The following TIAM1 variants were observed in gnomAD, a reference collection of about 807,000 sequenced individuals.
TIAM1 encodes rho guanine nucleotide exchange factor TIAM1.
Under a neutral mutation model 163.5 loss-of-function variants are expected in TIAM1, and 65 were observed. The observed-to-expected ratio is 0.40, with a 90% confidence interval of 0.33 to 0.49. TIAM1 has a LOEUF of 0.49. Ranked by LOEUF, TIAM1 falls within the 20% of genes least tolerant of loss-of-function variation. The probability of loss-of-function intolerance (pLI) is 0.77; values close to 1 mark genes in which losing one functional copy is unlikely to be tolerated. For synonymous variants in TIAM1, 833 were observed against 810.1 expected, an observed-to-expected ratio of 1.03 and a Z score of -0.48; for missense variants, 1,789 against 2,044.7, an observed-to-expected ratio of 0.87 and a Z score of 2.41.
chr21:31,192,489 C>T (rs182826343), intron 13 of TIAM1, among the ~76,000 whole-genome samples: 43 of 151,932 alleles, frequency 2.8e-4, no homozygotes, highest in African/African-American at 9.7e-4. Flanking sequence ...TGGTGGCACA[C>T]GCCTGTAATC....
chr21:31,228,245 A>ATTTTTCCTTT lies in TIAM1; in HGVS notation c.1585-2296_1585-2295insAAAGGAAAAA. Among the ~76,000 whole-genome samples the ATTTTTCCTTT allele has an allele frequency of 3.0e-5, 2 of 67,136 alleles. 1 individual carries two copies. The highest frequency in any genetic ancestry group is 7.7e-5 in the Non-Finnish European group (2 of 26,072). The allele number at this position is 67,136 out of a possible 152,430, so 44.0% of individuals were successfully genotyped here. A position where few individuals can be genotyped will look rare whatever the true frequency, so the allele number is the denominator to read the frequency against. Reference sequence around the variant, plus strand: ...TAAAAAAAAAAAAAAAAAAAAAAAAAAAAAAAAAAAAAAAGGAAGGAAAAA... The same window carrying ATTTTTCCTTT: ...TAAAAAAAAAAAAAAAAAAAAAAAAATTTTTCCTTTAAAAAAAAAAAAAAGGAAGGAAAAA... On this transcript the variant is annotated intron_variant, in intron 6 of 27. Transcript: ENST00000541036.
At chr21:31,282,661 G>T (rs1034440256) in intron 2 of TIAM1, among the ~76,000 whole-genome samples, 4 of 152,182 alleles carry the variant, frequency 2.6e-5, no homozygotes, top group Non-Finnish European at 5.9e-5. Context: ...TCCCACTGAC[G>T]GCCCTGGGGC....
intron 15 of TIAM1, among the ~76,000 whole-genome samples, chr21:31,177,719 T>C (rs953676896): frequency 6.6e-6 from 1 of 152,196 alleles, no homozygotes; most frequent in Non-Finnish European, 1.5e-5. Flanking sequence ...AACAAACCTC[T>C]CTATGAGAAA....
chr21:31,268,737 G>C (rs563715497), intron 3 of TIAM1, among the ~76,000 whole-genome samples: 14 of 152,100 alleles, frequency 9.2e-5, no homozygotes, highest in Non-Finnish European at 1.6e-4. Context: ...AAAGATCAAC[G>C]GTCTGTGCAC....
chr21:31,389,466 C>T (rs1050890696), intron 2 of TIAM1, among the ~76,000 whole-genome samples: 4 of 152,206 alleles, frequency 2.6e-5, no homozygotes, highest in African/African-American at 9.6e-5. Context: ...GCCTCGGCCT[C>T]CCAAAGTGCT....
intron 1 of TIAM1, among the ~76,000 whole-genome samples, chr21:31,514,168 T>G (rs1203953554): frequency 6.6e-6 from 1 of 152,140 alleles, no homozygotes. Flanking sequence ...GAGGTGAAAT[T>G]AAGAACAGAC....
At chr21:31,124,325 A>T (rs2082105404) in intron 27 of TIAM1, 197 bp downstream of exon 27, 3 of 567,234 alleles carry the variant, frequency 5.3e-6, no homozygotes, top group Non-Finnish European at 8.3e-6. Flanking sequence ...AGAGGAATGT[A>T]GATACAGGGC....
At chr21:31,487,551 T>C (rs1371889252) in intron 1 of TIAM1, among the ~76,000 whole-genome samples, 1 of 98,270 alleles carries the variant, frequency 1.0e-5, no homozygotes, top group Non-Finnish European at 2.1e-5. Flanking sequence ...TTTTTTTTTT[T>C]GTATTTTTTT....
At chr21:31,353,863 G>C in intron 2 of TIAM1, among the ~76,000 whole-genome samples, 1 of 33,242 alleles carries the variant, frequency 3.0e-5, no homozygotes. Context: ...TTTTGAGACA[G>C]AGTCTCACTC....
chr21:31,470,001 ATTTTT>A (rs540154867), intron 1 of TIAM1, among the ~76,000 whole-genome samples: 18 of 136,792 alleles, frequency 1.3e-4, no homozygotes, highest in African/African-American at 2.8e-4. Flanking sequence ...AAAACCTTGA[ATTTTT>A]TTTTTTTTTT....
chr21:31,197,303 A>G (rs1208666249), intron 12 of TIAM1, among the ~76,000 whole-genome samples: 5 of 152,248 alleles, frequency 3.3e-5, no homozygotes, highest in African/African-American at 9.6e-5. Flanking sequence ...CTTTGTACAA[A>G]GTCAAGATAA....
chr21:31,162,880 T>C (rs1289935460), intron 16 of TIAM1, among the ~76,000 whole-genome samples: 2 of 152,186 alleles, frequency 1.3e-5, no homozygotes, highest in African/African-American at 4.8e-5. Context: ...TGACCCTTCA[T>C]GTTCCAGATA....
chr21:31,256,941 A>T (rs150455453), intron 4 of TIAM1, among the ~76,000 whole-genome samples: 2,812 of 152,254 alleles, frequency 0.018, 89 homozygotes, highest in African/African-American at 0.063. Flanking sequence ...CCAAGGAGAG[A>T]AGGCATTGCC....
chr21:31,258,143 T>G (rs1373182017), intron 4 of TIAM1, among the ~76,000 whole-genome samples: 2 of 152,012 alleles, frequency 1.3e-5, no homozygotes, highest in Non-Finnish European at 2.9e-5. Context: ...GCTAACTGTT[T>G]TCTGCCACAC....
At chr21:31,393,966 C>A (rs1304544494) in intron 2 of TIAM1, among the ~76,000 whole-genome samples, 1 of 151,982 alleles carries the variant, frequency 6.6e-6, no homozygotes, top group Non-Finnish European at 1.5e-5. Context: ...CACGTTTTTT[C>A]ATAATCAGAA....
intron 2 of TIAM1, among the ~76,000 whole-genome samples, chr21:31,352,747 C>A (rs572062119): frequency 7.3e-4 from 111 of 151,650 alleles, no homozygotes; most frequent in African/African-American, 2.6e-3. Context: ...TGGTAACGCA[C>A]ACCTGTAATC....
At chr21:31,197,461 C>T (rs2085923795) in intron 12 of TIAM1, among the ~76,000 whole-genome samples, 2 of 150,138 alleles carry the variant, frequency 1.3e-5, no homozygotes, top group Non-Finnish European at 3.0e-5. Context: ...CTGCAAGTTC[C>T]GCCTCCCAGG....
chr21:31,466,724 C>T (rs1289988972), intron 1 of TIAM1, among the ~76,000 whole-genome samples: 1 of 152,176 alleles, frequency 6.6e-6, no homozygotes, highest in Non-Finnish European at 1.5e-5. Flanking sequence ...ATACCTGACA[C>T]CACATAACAC....
chr21:31,150,730 A>C (rs1333857366), intron 19 of TIAM1, among the ~76,000 whole-genome samples: 1 of 152,186 alleles, frequency 6.6e-6, no homozygotes, highest in African/African-American at 2.4e-5. Flanking sequence ...AAATTTGAAA[A>C]ACTGTACTTC....
Sources: gnomAD v4.1 joint callset for allele counts (sites outside exome capture counted in the v4.1 genomes callset) on GRCh38, gnomAD v4.1.1 for gene constraint, MANE v1.5 for transcripts, NCBI Gene and HGNC (gene_info 2026-07-23, HGNC 2026-07-21) for gene names.